The following PCDH9 variants were observed in gnomAD, a reference collection of about 807,000 sequenced individuals.
PCDH9 encodes protocadherin-9.
A neutral mutation model predicts 70.6 loss-of-function variants in PCDH9; 24 were observed. The ratio of observed to expected loss-of-function variants is 0.34; its 90% CI spans 0.25 to 0.48. The LOEUF is 0.48. Among genes scored for constraint, PCDH9 ranks in the 20% least tolerant of loss-of-function variants. PCDH9 has a pLI of 0.99. For missense variants in PCDH9, 1,281 were observed against 1,503.6 expected (o/e 0.85, Z 2.45); for synonymous variants, 562 against 558.5 (o/e 1.01, Z -0.09).
At chr13:66,874,371 T>A (rs931105332) in intron 3 of PCDH9, among the ~76,000 whole-genome samples, 1 of 152,190 alleles carries the variant, frequency 6.6e-6, no homozygotes, top group Admixed American at 6.5e-5. Flanking sequence ...AAGACTGTTA[T>A]TTTTTGTCTT....
intron 3 of PCDH9, among the ~76,000 whole-genome samples, chr13:66,633,787 A>T (rs1273377439): frequency 2.0e-5 from 3 of 152,210 alleles, no homozygotes; most frequent in African/African-American, 7.2e-5. Flanking sequence ...TAAAAAAGAA[A>T]AAAATACATC....
intron 2 of PCDH9, chr13:67,211,067 T>A (rs546195635): frequency 6.6e-6 from 1 of 152,126 alleles, no homozygotes; most frequent in Non-Finnish European, 1.5e-5. Flanking sequence ...CTAAATTAGT[T>A]TACCAAACTG....
chr13:67,070,782 G>A (rs1739971825), intron 2 of PCDH9, among the ~76,000 whole-genome samples: 1 of 152,108 alleles, frequency 6.6e-6, no homozygotes, highest in Non-Finnish European at 1.5e-5. Flanking sequence ...TTGAGTTCTG[G>A]AATGTAAAAT....
intron 3 of PCDH9, among the ~76,000 whole-genome samples, chr13:66,701,288 C>T (rs1481231098): frequency 3.3e-5 from 5 of 151,704 alleles, no homozygotes; most frequent in South Asian, 2.1e-4. Flanking sequence ...TACACACACA[C>T]GCACACACAC....
chr13:66,732,513 A>C (rs1412404385), intron 3 of PCDH9, among the ~76,000 whole-genome samples: 1 of 152,022 alleles, frequency 6.6e-6, no homozygotes, highest in Non-Finnish European at 1.5e-5. Context: ...AAAAGAAAAA[A>C]TATTACCACC....
intron 2 of PCDH9, chr13:66,996,132 T>G (rs764363351): frequency 6.6e-6 from 1 of 152,186 alleles, no homozygotes; most frequent in Non-Finnish European, 1.5e-5. Context: ...GAAAGTGCTA[T>G]GTAAACTGAA....
At chr13:66,931,840 C>G (rs1042529803) in intron 2 of PCDH9, among the ~76,000 whole-genome samples, 3 of 152,030 alleles carry the variant, frequency 2.0e-5, no homozygotes, top group South Asian at 2.1e-4. Flanking sequence ...TACCAATCAG[C>G]ACCCCCCGAC....
chr13:66,705,492 C>G (rs1433850735), intron 3 of PCDH9, among the ~76,000 whole-genome samples: 1 of 152,180 alleles, frequency 6.6e-6, no homozygotes, highest in Non-Finnish European at 1.5e-5. Flanking sequence ...CCCATCACAC[C>G]TAAATAAAGT....
At chr13:66,920,601 T>C (rs2082622738) in intron 2 of PCDH9, among the ~76,000 whole-genome samples, 1 of 151,100 alleles carries the variant, frequency 6.6e-6, no homozygotes, top group Non-Finnish European at 1.5e-5. Flanking sequence ...ACCTCACAAT[T>C]CATCATCTTT....
chr13:67,028,074 T>C (rs1420527530), intron 2 of PCDH9, among the ~76,000 whole-genome samples: 2 of 151,172 alleles, frequency 1.3e-5, no homozygotes, highest in Non-Finnish European at 2.9e-5. Flanking sequence ...ACTGAGTATA[T>C]ACCCAAATGA....
At chr13:67,110,497 G>A (rs2086636630) in intron 2 of PCDH9, among the ~76,000 whole-genome samples, 1 of 117,024 alleles carries the variant, frequency 8.5e-6, no homozygotes, top group African/African-American at 3.5e-5. Context: ...CTGGGCGACA[G>A]AGACTCCACT....
At chr13:66,890,642 G>A (rs1031283901) in intron 3 of PCDH9, among the ~76,000 whole-genome samples, 1 of 151,946 alleles carries the variant, frequency 6.6e-6, no homozygotes, top group Non-Finnish European at 1.5e-5. Context: ...CCTAGTCTTA[G>A]TGGGAAGGCA....
intron 3 of PCDH9, among the ~76,000 whole-genome samples, chr13:66,761,123 C>T (rs1382011584): frequency 3.9e-5 from 6 of 152,044 alleles, no homozygotes; most frequent in South Asian, 4.1e-4. Context: ...GTGATCTCTG[C>T]GACCCACACC....
chr13:66,795,503 C>T lies in PCDH9; in HGVS notation c.3138+108001G>A, dbSNP rs1311118798. Among the ~76,000 whole-genome samples, 6 of 152,200 alleles carry T rather than the reference C, an allele frequency of 3.9e-5. No individual in the cohort carries two copies. The East Asian group carries it at 1.2e-3, about 29-fold the overall frequency. On this transcript the variant is annotated intron_variant, in intron 3 of 4. Transcript: ENST00000377865. ...GATATATGACTGGGGGAAAATATCACAGTGCACCATATTCCCATTCTTTTA... is the reference window on the plus strand; with the variant it reads ...GATATATGACTGGGGGAAAATATCATAGTGCACCATATTCCCATTCTTTTA...
chr13:66,849,631 TC>T (rs935204235), intron 3 of PCDH9, among the ~76,000 whole-genome samples: 13 of 151,210 alleles, frequency 8.6e-5, no homozygotes, highest in African/African-American at 3.2e-4. Context: ...TCTAGGAGAA[TC>T]AGTAAATCTA....
At chr13:66,968,637 A>G (rs1310291346) in intron 2 of PCDH9, among the ~76,000 whole-genome samples, 1 of 152,030 alleles carries the variant, frequency 6.6e-6, no homozygotes, top group Non-Finnish European at 1.5e-5. Context: ...TTAGCTATCA[A>G]TTCAACTGTG....
At chr13:66,684,202 C>T (rs1212661269) in intron 3 of PCDH9, among the ~76,000 whole-genome samples, 1 of 152,180 alleles carries the variant, frequency 6.6e-6, no homozygotes, top group Non-Finnish European at 1.5e-5. Flanking sequence ...TACTCGACTA[C>T]TAAAGGCTAG....
At chr13:66,881,030 A>G (rs892417373) in intron 3 of PCDH9, among the ~76,000 whole-genome samples, 2 of 152,192 alleles carry the variant, frequency 1.3e-5, no homozygotes, top group African/African-American at 4.8e-5. Flanking sequence ...TGAGTTTTCA[A>G]TGAGATAATT....
chr13:67,001,970 C>A (rs566827496), intron 2 of PCDH9: 1 of 152,146 alleles, frequency 6.6e-6, no homozygotes, highest in East Asian at 1.9e-4. Context: ...TGAATCACTT[C>A]TTAAATAAAT....
Sources: allele counts gnomAD v4.1 joint callset (sites outside exome capture counted in the v4.1 genomes callset), GRCh38; gene constraint gnomAD v4.1.1; transcripts MANE v1.5; gene names NCBI Gene and HGNC (gene_info 2026-07-23, HGNC 2026-07-21).